TAFA2: variants seen among roughly 807,000 people sequenced by gnomAD.
The protein encoded by TAFA2 is TAFA chemokine like family member 2, also known as chemokine-like protein TAFA-2.
Under a neutral mutation model 18.8 loss-of-function variants are expected in TAFA2, and 7 were observed. That is an observed-to-expected ratio of 0.37 (90% CI 0.21 to 0.70). The LOEUF is 0.70. TAFA2 is among the 30% of genes least tolerant of loss of function. The probability of loss-of-function intolerance (pLI) is 0.53; values close to 1 mark genes in which losing one functional copy is unlikely to be tolerated. For synonymous variants in TAFA2, 60 were observed against 54.2 expected (o/e 1.11, Z -0.47); for missense variants, 122 against 158.1 (o/e 0.77, Z 1.23).
At chr12:61,955,633 ATATATATAT>A (rs1387989321) in intron 1 of TAFA2, among the ~76,000 whole-genome samples, 1 of 8,770 alleles carries the variant, frequency 1.1e-4, no homozygotes, top group African/African-American at 3.3e-4. Flanking sequence ...AAAAAAAAAA[ATATATATAT>A]ATATATATAT....
chr12:61,939,302 G>A (rs1053305318), intron 1 of TAFA2, among the ~76,000 whole-genome samples: 2 of 152,040 alleles, frequency 1.3e-5, no homozygotes, highest in Admixed American at 1.3e-4. Context: ...TGTCATTTTA[G>A]TTGCCTAGAA....
intron 2 of TAFA2, among the ~76,000 whole-genome samples, chr12:61,805,671 A>C (rs1871581368): frequency 6.6e-6 from 1 of 152,126 alleles, no homozygotes; most frequent in Non-Finnish European, 1.5e-5. Flanking sequence ...TTCCAGAATG[A>C]ATATATACCT....
intron 1 of TAFA2, among the ~76,000 whole-genome samples, chr12:61,982,431 A>G (rs755188530): frequency 1.3e-5 from 2 of 152,168 alleles, no homozygotes; most frequent in Non-Finnish European, 2.9e-5. Context: ...TAGAACTTAA[A>G]GTATAATTAA....
intron 2 of TAFA2, among the ~76,000 whole-genome samples, chr12:61,865,008 C>CA (rs1455399500): frequency 6.6e-6 from 1 of 152,090 alleles, no homozygotes; most frequent in Admixed American, 6.5e-5. Context: ...AAAGCCAAGC[C>CA]AAATGTCCCA....
chr12:62,119,137 C>G (rs1425909744), intron 1 of TAFA2, among the ~76,000 whole-genome samples: 1 of 151,964 alleles, frequency 6.6e-6, no homozygotes, highest in Non-Finnish European at 1.5e-5. Context: ...GACCTAGTGT[C>G]ATGTTTTCAT....
chr12:61,907,397 G>A (rs2198785), intron 1 of TAFA2, among the ~76,000 whole-genome samples: 21 of 152,192 alleles, frequency 1.4e-4, no homozygotes, highest in African/African-American at 4.6e-4. Context: ...TTCAGAGGGT[G>A]CAAGCCCCAA....
intron 2 of TAFA2, among the ~76,000 whole-genome samples, chr12:61,764,223 G>A (rs1291597358): frequency 9.9e-6 from 1 of 101,076 alleles, no homozygotes; most frequent in African/African-American, 3.9e-5. Context: ...TAGATTAGAT[G>A]ATTGATTGAT....
chr12:61,757,543 G>A (rs1400660064), intron 2 of TAFA2, among the ~76,000 whole-genome samples: 2 of 151,946 alleles, frequency 1.3e-5, no homozygotes, highest in Non-Finnish European at 2.9e-5. Context: ...AGGCCGTCTT[G>A]AGTGATCTAA....
intron 1 of TAFA2, among the ~76,000 whole-genome samples, chr12:62,081,066 G>A (rs1592323613): frequency 1.3e-5 from 2 of 152,020 alleles, no homozygotes; most frequent in South Asian, 2.1e-4. Context: ...GTAGTGGGGG[G>A]CGCCTGTAGT....
At chr12:62,219,019 C>T (rs928129919) in intron 1 of TAFA2, among the ~76,000 whole-genome samples, 2 of 151,788 alleles carry the variant, frequency 1.3e-5, no homozygotes, top group African/African-American at 4.8e-5. Flanking sequence ...AAGATGAGGA[C>T]AAAATAGCAT....
intron 1 of TAFA2, among the ~76,000 whole-genome samples, chr12:62,187,369 C>T (rs919895292): frequency 1.3e-5 from 2 of 152,068 alleles, no homozygotes; most frequent in African/African-American, 4.8e-5. Context: ...AGTTGTACTG[C>T]AAGTCAAATC....
chr12:61,981,876 G>A (rs1217773558), intron 1 of TAFA2, among the ~76,000 whole-genome samples: 2 of 152,092 alleles, frequency 1.3e-5, no homozygotes, highest in African/African-American at 2.4e-5. Flanking sequence ...GTGGAAGAGA[G>A]TGTGGCTATT....
At chr12:61,779,892 C>T (rs1032921662) in intron 2 of TAFA2, among the ~76,000 whole-genome samples, 1 of 151,686 alleles carries the variant, frequency 6.6e-6, no homozygotes, top group African/African-American at 2.4e-5. Flanking sequence ...CTTTTTATGA[C>T]TATAAATATT....
intron 1 of TAFA2, among the ~76,000 whole-genome samples, chr12:62,107,963 C>T (rs1869535844): frequency 6.6e-6 from 1 of 151,782 alleles, no homozygotes; most frequent in African/African-American, 2.4e-5. Context: ...GCTTTTTTAC[C>T]ACACTTTTAA....
intron 2 of TAFA2, among the ~76,000 whole-genome samples, chr12:61,825,376 TAAC>T (rs1373273176): frequency 6.6e-6 from 1 of 152,078 alleles, no homozygotes; most frequent in Non-Finnish European, 1.5e-5. Context: ...GAATTATCAT[TAAC>T]AACATTAGGA....
At chr12:62,160,223 C>T (rs1383744058) in intron 1 of TAFA2, among the ~76,000 whole-genome samples, 1 of 152,178 alleles carries the variant, frequency 6.6e-6, no homozygotes, top group African/African-American at 2.4e-5. Context: ...TTCTTCTCTC[C>T]CTAACAGATC....
At chr12:62,213,641 C>CAA (rs5798637) in intron 1 of TAFA2, among the ~76,000 whole-genome samples, 28,799 of 145,020 alleles carry the variant, frequency 0.2, 3,282 homozygotes, top group African/African-American at 0.31. Flanking sequence ...GACTCTGTCT[C>CAA]AAAAAAAAAA....
chr12:61,915,514 G>A (rs1056211209), intron 1 of TAFA2, among the ~76,000 whole-genome samples: 16 of 152,152 alleles, frequency 1.1e-4, no homozygotes, highest in African/African-American at 3.9e-4. Flanking sequence ...TTTATTATGA[G>A]TATTGGCTTA....
chr12:62,234,884 C>A, intron 1 of TAFA2: 1 of 1,012,330 alleles, frequency 9.9e-7, no homozygotes, highest in Non-Finnish European at 1.5e-6. Flanking sequence ...CGGGGCATCC[C>A]ACGATCATGG....
Sources: allele counts gnomAD v4.1 joint callset (sites outside exome capture counted in the v4.1 genomes callset), GRCh38; gene constraint gnomAD v4.1.1; transcripts MANE v1.5; gene names NCBI Gene and HGNC (gene_info 2026-07-23, HGNC 2026-07-21).